PLSCR1: variants seen among roughly 807,000 people sequenced by gnomAD.
The protein encoded by PLSCR1 is PL scramblase 1.
Under a neutral mutation model 37.8 loss-of-function variants are expected in PLSCR1, and 17 were observed. The ratio of observed to expected loss-of-function variants is 0.45; its 90% CI spans 0.31 to 0.68. The LOEUF (loss-of-function observed/expected upper bound fraction) is 0.68. Among genes scored for constraint, PLSCR1 ranks in the 30% least tolerant of loss-of-function variants. The pLI is 0.06. For missense variants in PLSCR1, 347 were observed against 380.9 expected (o/e 0.91, Z 0.74); for synonymous variants, 116 against 125.9 (o/e 0.92, Z 0.53).
At chr3:146,530,092 T>G (rs1348075594) in intron 3 of PLSCR1, among the ~76,000 whole-genome samples, 1 of 152,302 alleles carries the variant, frequency 6.6e-6, no homozygotes, top group African/African-American at 2.4e-5. Flanking sequence ...GTGATTACAA[T>G]GAAGATTTAT....
chr3:146,521,454 CACTT>C (rs1576781803), intron 7 of PLSCR1, 86 bp downstream of exon 7: 2 of 1,101,770 alleles, frequency 1.8e-6, no homozygotes, highest in African/African-American at 3.1e-5. Flanking sequence ...TGGCACACAA[CACTT>C]ATTTAATGCA....
chr3:146,543,613 A>G (rs746195013), intron 1 of PLSCR1, among the ~76,000 whole-genome samples: 3 of 152,266 alleles, frequency 2.0e-5, no homozygotes, highest in South Asian at 2.1e-4. Flanking sequence ...TCCAGGAATA[A>G]CAGTGCATGA....
intron 7 of PLSCR1, among the ~76,000 whole-genome samples, chr3:146,517,712 C>G (rs78938405): frequency 0.014 from 2,074 of 152,168 alleles, 59 homozygotes; most frequent in African/African-American, 0.046. Context: ...TGCCCCACGC[C>G]AAGGGTTGAG....
intron 8 of PLSCR1, chr3:146,516,331 TTTAA>T (rs1241373935): frequency 2.8e-6 from 1 of 360,482 alleles, no homozygotes; most frequent in Non-Finnish European, 4.9e-6. Flanking sequence ...CCTGTATGAA[TTTAA>T]TTAATCTTCC....
rs373452127 is a variant in PLSCR1 at position 146,521,649 on chromosome 3, G to A, written c.633C>T (p.His211=). ...GAATTGTAAACTTTGGTAGACATGG[G>A]TGCCAAGTCTGAATAACATAACCTA... The part of the protein sequence containing the change: ...VPIGYVIQTW[H]PCLPKFTIQN... Residue 211 remains histidine (H), a synonymous_variant, in exon 7 of 9, where the codon CAC becomes CAT. Coordinates refer to ENST00000342435, the MANE Select transcript of PLSCR1 (RefSeq NM_021105.3). 6.2e-7 allele frequency: 1 copy of A among 1,612,780 alleles called. No homozygotes were observed. Among genetic ancestry groups the A allele is most frequent in the South Asian group, 1.1e-5 (1 of 91,042 alleles).
At chr3:146,529,156 A>C (rs1260241516) in intron 3 of PLSCR1, among the ~76,000 whole-genome samples, 3 of 152,218 alleles carry the variant, frequency 2.0e-5, no homozygotes, top group Non-Finnish European at 4.4e-5. Flanking sequence ...GCAAGCCTTC[A>C]AGGGAAACAA....
In PLSCR1 at chr3:146,533,405, A is replaced by C. The variant is rs564495636; in HGVS notation, c.94+65T>G. On this transcript the variant is annotated intron_variant, in intron 3 of 8. Coordinates refer to ENST00000342435, the MANE Select transcript of PLSCR1 (RefSeq NM_021105.3). Reference sequence around the variant, plus strand: ...CTCTCTCTCTTACTCTCTCTCTCCCACTCTCACTCTCTCTCTCTGTCTCTC... The same window carrying C: ...CTCTCTCTCTTACTCTCTCTCTCCCCCTCTCACTCTCTCTCTCTGTCTCTC... 7 of 786,006 alleles carry C rather than the reference A, an allele frequency of 8.9e-6. No individual in the cohort carries two copies. The East Asian group carries it at 1.5e-4, about 17-fold the overall frequency. 48.7% of individuals were successfully genotyped at this position (786,006 alleles called of 1,614,324 possible).
intron 5 of PLSCR1, among the ~76,000 whole-genome samples, chr3:146,523,039 C>T (rs191462569): frequency 3.7e-4 from 57 of 152,348 alleles, no homozygotes; most frequent in Admixed American, 2.0e-3. Flanking sequence ...CCGGGAAACG[C>T]CCGATAATGA....
At chr3:146,528,505 T>TA (rs2044150391) in intron 4 of PLSCR1, 109 bp downstream of exon 4, 3 of 859,868 alleles carry the variant, frequency 3.5e-6, no homozygotes, top group Admixed American at 3.9e-5. Flanking sequence ...TAGCAGAAAA[T>TA]ACAGTTTTGC....
intron 3 of PLSCR1, among the ~76,000 whole-genome samples, chr3:146,530,026 T>C (rs971024717): frequency 6.6e-6 from 1 of 152,214 alleles, no homozygotes; most frequent in Admixed American, 6.5e-5. Flanking sequence ...TGGCAAAAAA[T>C]TGTAAGAGGC....
chr3:146,544,447 A>T lies in PLSCR1; in HGVS notation c.-14+20T>A, dbSNP rs1432385438. On this transcript the variant is annotated intron_variant, in intron 1 of 8. Transcript: ENST00000342435. ...CGCGCCCAAGTCCCCAGGAGGCGGC[A>T]GAGAAAGCCGCCCGCGCACCTCTGG... The T allele has an allele frequency of 6.6e-6, 1 of 152,416 alleles. No homozygotes were observed. The highest frequency in any genetic ancestry group is 1.5e-5 in the Non-Finnish European group (1 of 68,228). The allele number at this position is 152,416 out of a possible 1,614,324, so 9.4% of individuals were successfully genotyped here. A position where few individuals can be genotyped will look rare whatever the true frequency, so the allele number is the denominator to read the frequency against.
chr3:146,520,843 A>G (rs1428580518), intron 7 of PLSCR1, among the ~76,000 whole-genome samples: 1 of 152,138 alleles, frequency 6.6e-6, no homozygotes, highest in East Asian at 1.9e-4. Flanking sequence ...TGATTTTCCA[A>G]GAGAAACAAG....
intron 5 of PLSCR1, among the ~76,000 whole-genome samples, chr3:146,524,166 ATT>A (rs1253766587): frequency 6.6e-6 from 1 of 152,204 alleles, no homozygotes; most frequent in African/African-American, 2.4e-5. Context: ...TCATTATCTA[ATT>A]AATTGTTACA....
chr3:146,529,559 C>T (rs1174686931), intron 3 of PLSCR1, among the ~76,000 whole-genome samples: 1 of 151,066 alleles, frequency 6.6e-6, no homozygotes, highest in Non-Finnish European at 1.5e-5. Context: ...GTCGCCCAGG[C>T]TGGAGTGCGG....
intron 3 of PLSCR1, 76 bp downstream of exon 3, chr3:146,533,394 C>T (rs972647801): frequency 3.2e-5 from 23 of 711,904 alleles, no homozygotes; most frequent in Middle Eastern, 2.5e-4. Flanking sequence ...CTCTCTTACT[C>T]TCTCTCTCCC....
chr3:146,515,496 G>C lies in PLSCR1; in HGVS notation c.*549C>G, dbSNP rs1398720282. 6.6e-6 allele frequency: 1 copy of C among 151,632 alleles called. No individual in the cohort carries two copies. Among genetic ancestry groups the C allele is most frequent in the Non-Finnish European group, 1.5e-5 (1 of 67,864 alleles). The allele number at this position is 151,632 out of a possible 1,614,324, so 9.4% of individuals were successfully genotyped here. On this transcript the variant is annotated 3_prime_UTR_variant, in exon 9 of 9. Coordinates refer to ENST00000342435, the MANE Select transcript of PLSCR1 (RefSeq NM_021105.3). Reference sequence around the variant, plus strand: ...TATCTTGTGAATATGAAAATATTATGGTATAGATTAGCTTCTAGGAGAAGT... The same window carrying C: ...TATCTTGTGAATATGAAAATATTATCGTATAGATTAGCTTCTAGGAGAAGT...
At chr3:146,538,475 T>G (rs1188236565) in intron 1 of PLSCR1, among the ~76,000 whole-genome samples, 2 of 152,152 alleles carry the variant, frequency 1.3e-5, no homozygotes. Flanking sequence ...ATTAACACAC[T>G]GGACTATACA....
At chr3:146,519,912 T>G (rs1272942545) in intron 7 of PLSCR1, among the ~76,000 whole-genome samples, 2 of 152,124 alleles carry the variant, frequency 1.3e-5, no homozygotes, top group African/African-American at 4.8e-5. Flanking sequence ...CATGAATTAG[T>G]TCCACATAGT....
chr3:146,522,842 T>G (rs964424138), intron 5 of PLSCR1, among the ~76,000 whole-genome samples: 4 of 152,224 alleles, frequency 2.6e-5, no homozygotes, highest in Admixed American at 6.5e-5. Context: ...AAAACTGCCT[T>G]AGGGCTGGAG....
Sources: allele counts gnomAD v4.1 joint callset (sites outside exome capture counted in the v4.1 genomes callset), GRCh38; gene constraint gnomAD v4.1.1; transcripts MANE v1.5; gene names NCBI Gene and HGNC (gene_info 2026-07-23, HGNC 2026-07-21).